The following ERBB4 variants were observed in gnomAD, a reference collection of about 807,000 sequenced individuals.
ERBB4 encodes receptor tyrosine-protein kinase erbB-4.
Under a neutral mutation model 158.0 loss-of-function variants are expected in ERBB4, and 42 were observed. The ratio of observed to expected loss-of-function variants is 0.27; its 90% CI spans 0.21 to 0.34. The LOEUF is 0.34. ERBB4 is among the 10% of genes least tolerant of loss of function. The pLI is 1.00. For missense variants in ERBB4, 1,333 were observed against 1,624.1 expected (o/e 0.82, Z 3.08); for synonymous variants, 583 against 558.7 (o/e 1.04, Z -0.61).
intron 1 of ERBB4, among the ~76,000 whole-genome samples, chr2:212,219,955 CA>C (rs11387376): frequency 0.061 from 8,520 of 138,728 alleles, 257 homozygotes; most frequent in Middle Eastern, 0.096. Context: ...TATCAACCCG[CA>C]AAAAAAAAAA....
chr2:212,307,224 A>G (rs2086842815), intron 1 of ERBB4, among the ~76,000 whole-genome samples: 1 of 151,174 alleles, frequency 6.6e-6, no homozygotes, highest in South Asian at 2.1e-4. Flanking sequence ...TCAGATCCCC[A>G]TTAGCTCTAA....
intron 1 of ERBB4, among the ~76,000 whole-genome samples, chr2:212,275,686 A>G (rs2085505418): frequency 6.6e-6 from 1 of 151,942 alleles, no homozygotes; most frequent in East Asian, 1.9e-4. Context: ...AGCACTAAAT[A>G]TGGAAAGGAA....
intron 19 of ERBB4, among the ~76,000 whole-genome samples, chr2:211,614,227 T>C (rs2069301025): frequency 6.6e-6 from 1 of 151,882 alleles, no homozygotes; most frequent in African/African-American, 2.4e-5. Flanking sequence ...CCAAAACAAT[T>C]GAACTCATGA....
intron 20 of ERBB4, among the ~76,000 whole-genome samples, chr2:211,538,037 A>C (rs1036459125): frequency 3.9e-5 from 6 of 151,966 alleles, no homozygotes; most frequent in African/African-American, 1.4e-4. Context: ...AGGCAGACTC[A>C]GAAACATCCA....
In ERBB4 at chr2:211,415,107, C is replaced by CTTTTTTTT. The variant is rs71047175; in HGVS notation, c.3135+5326_3135+5333dup. ...CAAATCCCATTGAAACTTACATTTT[C>CTTTTTTTT]TTTTTTTTTTTTTTTTTTTTTTTTT... On this transcript the variant is annotated intron_variant, in intron 25 of 27. Transcript: ENST00000342788. Among the ~76,000 whole-genome samples the CTTTTTTTT allele has an allele frequency of 6.8e-3, 494 of 72,550 alleles. 65 individuals are homozygous for CTTTTTTTT. The highest frequency in any genetic ancestry group is 8.7e-3 in the Non-Finnish European group (353 of 40,548). The allele number at this position is 72,550 out of a possible 152,430, so 47.6% of individuals were successfully genotyped here.
intron 3 of ERBB4, among the ~76,000 whole-genome samples, chr2:211,931,120 A>G (rs1461360596): frequency 6.6e-6 from 1 of 152,116 alleles, no homozygotes; most frequent in Non-Finnish European, 1.5e-5. Context: ...CTTAAACGCA[A>G]TATTTAAAAT....
At chr2:211,995,238 C>A (rs778559014) in intron 2 of ERBB4, among the ~76,000 whole-genome samples, 18 of 152,268 alleles carry the variant, frequency 1.2e-4, no homozygotes, top group Non-Finnish European at 2.1e-4. Context: ...TTTCTCAGTT[C>A]ATTTTTCTGT....
intron 3 of ERBB4, among the ~76,000 whole-genome samples, chr2:211,852,892 T>G (rs1249239275): frequency 6.6e-6 from 1 of 151,968 alleles, no homozygotes; most frequent in African/African-American, 2.4e-5. Flanking sequence ...CAGCTAGAAT[T>G]TACAGGTATG....
In ERBB4 at chr2:211,376,112, A is replaced by G. The variant is rs1199125476; in HGVS notation, c.*7503T>C. ...GTGTTAGGTGCATGATCCTTCATCA[A>G]TAACATGGAAAAAAATCAAAATAAC... On this transcript the variant is annotated 3_prime_UTR_variant, in exon 28 of 28. Transcript: ENST00000342788. The G allele has an allele frequency of 1.3e-5, 3 of 233,026 alleles. No homozygotes were observed. The highest frequency in any genetic ancestry group is 5.6e-5 in the Admixed American group (1 of 17,750). The allele number at this position is 233,026 out of a possible 1,614,324, so 14.4% of individuals were successfully genotyped here.
At chr2:211,803,123 C>A (rs2076537457) in intron 3 of ERBB4, among the ~76,000 whole-genome samples, 1 of 152,194 alleles carries the variant, frequency 6.6e-6, no homozygotes, top group Admixed American at 6.5e-5. Flanking sequence ...AATTTTGAAT[C>A]TATTTGGCTG....
chr2:212,023,404 A>T (rs569748506), intron 2 of ERBB4, among the ~76,000 whole-genome samples: 1 of 152,208 alleles, frequency 6.6e-6, no homozygotes, highest in South Asian at 2.1e-4. Context: ...CCAGATGTTT[A>T]TCTCTTAAGA....
At chr2:211,881,990 T>TTAA (rs2078677181) in intron 3 of ERBB4, among the ~76,000 whole-genome samples, 1 of 152,104 alleles carries the variant, frequency 6.6e-6, no homozygotes, top group Non-Finnish European at 1.5e-5. Context: ...ACTATTAGAG[T>TTAA]GTTTCTGAGA....
chr2:211,827,193 G>A (rs2077120399), intron 3 of ERBB4, among the ~76,000 whole-genome samples: 1 of 152,022 alleles, frequency 6.6e-6, no homozygotes, highest in South Asian at 2.1e-4. Flanking sequence ...TTCTACCCAT[G>A]TTGAGTGTAC....
intron 1 of ERBB4, among the ~76,000 whole-genome samples, chr2:212,282,681 C>A (rs2085803138): frequency 6.6e-6 from 1 of 151,870 alleles, no homozygotes; most frequent in African/African-American, 2.4e-5. Context: ...CACTTGAAAT[C>A]TTCTGGCTTT....
At chr2:211,601,427 A>G (rs539484615) in intron 19 of ERBB4, among the ~76,000 whole-genome samples, 4 of 152,028 alleles carry the variant, frequency 2.6e-5, no homozygotes, top group Non-Finnish European at 5.9e-5. Flanking sequence ...ACTGAAAGAC[A>G]TAAGTTTCCG....
intron 1 of ERBB4, among the ~76,000 whole-genome samples, chr2:212,536,124 A>C (rs1693044029): frequency 6.6e-6 from 1 of 152,186 alleles, no homozygotes; most frequent in Non-Finnish European, 1.5e-5. Context: ...AAACTCCTCC[A>C]AACTGCTACT....
At chr2:212,206,403 G>T (rs748833075) in intron 1 of ERBB4, among the ~76,000 whole-genome samples, 1 of 151,982 alleles carries the variant, frequency 6.6e-6, no homozygotes, top group Non-Finnish European at 1.5e-5. Flanking sequence ...GGTTACAATC[G>T]CATGGGATTG....
At chr2:212,301,481 T>C (rs777338927) in intron 1 of ERBB4, among the ~76,000 whole-genome samples, 3 of 151,468 alleles carry the variant, frequency 2.0e-5, no homozygotes, top group South Asian at 2.1e-4. Flanking sequence ...ATCTGTGTTA[T>C]ATCATGTGAC....
At chr2:212,359,213 T>C (rs896306695) in intron 1 of ERBB4, among the ~76,000 whole-genome samples, 1 of 148,308 alleles carries the variant, frequency 6.7e-6, no homozygotes, top group African/African-American at 2.6e-5. Context: ...TATCTAAACT[T>C]GTTCTAAATG....
Sources: allele counts gnomAD v4.1 joint callset (sites outside exome capture counted in the v4.1 genomes callset), GRCh38; gene constraint gnomAD v4.1.1; transcripts MANE v1.5; gene names NCBI Gene and HGNC (gene_info 2026-07-23, HGNC 2026-07-21).